DYNC2H1: variants seen among roughly 807,000 people sequenced by gnomAD.
The protein encoded by DYNC2H1 is dynein cytoplasmic 2 heavy chain 1, also known as cytoplasmic dynein 2 heavy chain 1.
A neutral mutation model predicts 570.0 loss-of-function variants in DYNC2H1; 410 were observed. The ratio of observed to expected loss-of-function variants is 0.72; its 90% CI spans 0.66 to 0.78. The LOEUF (loss-of-function observed/expected upper bound fraction) is 0.78. Ranked by LOEUF, DYNC2H1 falls within the 30% of genes least tolerant of loss-of-function variation. The pLI is 0.00. For missense variants in DYNC2H1, 4,865 were observed against 5,046.4 expected, an observed-to-expected ratio of 0.96 and a Z score of 1.09; for synonymous variants, 1,688 against 1,677.6, an observed-to-expected ratio of 1.01 and a Z score of -0.15.
intron 80 of DYNC2H1, among the ~76,000 whole-genome samples, chr11:103,320,653 G>C (rs1018586556): frequency 6.6e-6 from 1 of 152,186 alleles, no homozygotes; most frequent in Non-Finnish European, 1.5e-5. Flanking sequence ...AGCCAGGATT[G>C]TGTGGCAGAT....
In DYNC2H1 at chr11:103,280,450, A is replaced by G. The variant is rs1866086421; in HGVS notation, c.10761+37A>G. The G allele has an allele frequency of 2.0e-6, 3 of 1,524,738 alleles. No individual in the cohort carries two copies. Among genetic ancestry groups the G allele is most frequent in the South Asian group, 1.2e-5 (1 of 83,240 alleles). 94.5% of individuals were successfully genotyped at this position (1,524,738 alleles called of 1,614,324 possible). ...TAAAGGAGAGAAATTTTACAGTAAC[A>G]TAGAAATTTGTTAATGGGTGGATTT... On this transcript the variant is annotated intron_variant, in intron 71 of 88. Transcript: ENST00000375735. This position sits in a 1 kb window ranked among gnomAD's most constrained non-coding sequence, Gnocchi z 4.7.
chr11:103,422,846 G>A (rs1943534379), intron 84 of DYNC2H1, among the ~76,000 whole-genome samples: 1 of 152,088 alleles, frequency 6.6e-6, no homozygotes, highest in African/African-American at 2.4e-5. Flanking sequence ...GGGCAATTGG[G>A]AAAGAGAAAG....
chr11:103,321,122 T>G lies in DYNC2H1; in HGVS notation c.11819T>G (p.Leu3940Arg). ...RIDNYFDLRVLQSYLKQFFNS... is the reference protein window; with the variant it reads ...RIDNYFDLRVRQSYLKQFFNS... ...GACAACTATTTTGACCTTAGAGTTC[T>G]TCAGTCATACCTGAAGCAGTTTTTT... The change falls in exon 81 of 89, where the codon CTT becomes CGT. Residue 3940 changes from leucine (L) to arginine (R), a missense_variant. Around this residue, in one of 5 missense-constraint regions of DYNC2H1, gnomAD observed 2,401 missense variants for 2,454.6 expected, o/e 0.98. Transcript: ENST00000375735. The G allele has an allele frequency of 3.1e-6, 5 of 1,612,654 alleles. No individual in the cohort carries two copies. The highest frequency in any genetic ancestry group is 4.2e-6 in the Non-Finnish European group (5 of 1,179,248).
Position 103,244,747 on chromosome 11 carries a change from C to CTA in DYNC2H1, c.9919-496_9919-495dup, listed in dbSNP as rs992684947. 3.4e-5 allele frequency among the ~76,000 whole-genome samples: 5 copies of CTA among 147,532 alleles called. No homozygotes were observed. Among genetic ancestry groups the CTA allele is most frequent in the African/African-American group, 7.4e-5 (3 of 40,546 alleles). On this transcript the variant is annotated intron_variant, in intron 64 of 88. Transcript: ENST00000375735. The surrounding 1 kb of genome is among the most constrained non-coding windows in gnomAD (Gnocchi z 4.3). ...ATATACATATAAGTATATAAATATA[C>CTA]TATATATATCTATAGTTACAGTTAT... is the stretch of plus-strand genomic sequence containing the variant.
intron 43 of DYNC2H1, among the ~76,000 whole-genome samples, chr11:103,187,989 A>G (rs1862143128): frequency 6.6e-6 from 1 of 151,860 alleles, no homozygotes; most frequent in Non-Finnish European, 1.5e-5. Context: ...ATTATTCTCC[A>G]TTTTTGCCTG....
intron 83 of DYNC2H1, among the ~76,000 whole-genome samples, chr11:103,378,651 T>G (rs1941501810): frequency 6.6e-6 from 1 of 151,630 alleles, no homozygotes; most frequent in African/African-American, 2.4e-5. Context: ...TAACCTCTAA[T>G]TCCAAGGCAA....
intron 5 of DYNC2H1, among the ~76,000 whole-genome samples, chr11:103,117,043 CTT>C (rs1383898023): frequency 6.7e-6 from 1 of 149,902 alleles, no homozygotes; most frequent in East Asian, 1.9e-4. Flanking sequence ...AGAAAATACC[CTT>C]GTCATTATTT....
intron 83 of DYNC2H1, among the ~76,000 whole-genome samples, chr11:103,397,689 G>A (rs1942454846): frequency 6.6e-6 from 1 of 152,122 alleles, no homozygotes; most frequent in South Asian, 2.1e-4. Context: ...GAGTCCTGGA[G>A]TTTGAGACCA....
chr11:103,367,372 C>A (rs1416967704), intron 83 of DYNC2H1, among the ~76,000 whole-genome samples: 1 of 151,990 alleles, frequency 6.6e-6, no homozygotes, highest in African/African-American at 2.4e-5. Flanking sequence ...TCTAGGACAC[C>A]TACTCCCATT....
Position 103,289,246 on chromosome 11 carries a change from T to C in DYNC2H1, c.11095+1641T>C, listed in dbSNP as rs1192013739. On this transcript the variant is annotated intron_variant, in intron 75 of 88. Coordinates refer to ENST00000375735, the MANE Select transcript of DYNC2H1 (RefSeq NM_001377.3). The surrounding 1 kb of genome is among the most constrained non-coding windows in gnomAD (Gnocchi z 4.2). ...GAATGCTCAGGGAGGCTGATTTAAG[T>C]AATAATAAAACCCCAGTCTCCTGCA... is the stretch of plus-strand genomic sequence containing the variant. Among the ~76,000 whole-genome samples the C allele has an allele frequency of 1.3e-5, 2 of 152,124 alleles. No individual in the cohort carries two copies. The highest frequency in any genetic ancestry group is 4.8e-5 in the African/African-American group (2 of 41,418).
At chr11:103,468,156 G>A (rs1018975039) in intron 87 of DYNC2H1, among the ~76,000 whole-genome samples, 6 of 151,802 alleles carry the variant, frequency 4.0e-5, no homozygotes, top group African/African-American at 1.2e-4. Flanking sequence ...ATCACATGTC[G>A]TTTTTTTCAT....
Position 103,141,123 on chromosome 11 carries a change from G to C in DYNC2H1, c.2575-2145G>C, listed in dbSNP as rs1304748431. ...TACATTCATCTAAATTTTTTTCAAA[G>C]TTTTTAACTTCTTTGCCTTTGGTTT... On this transcript the variant is annotated intron_variant, in intron 17 of 88. Coordinates refer to ENST00000375735, the MANE Select transcript of DYNC2H1 (RefSeq NM_001377.3). Among the ~76,000 whole-genome samples the C allele has an allele frequency of 2.0e-5, 3 of 152,074 alleles. No homozygotes were observed. In the East Asian group the frequency reaches 5.8e-4, roughly 29 times the overall value.
rs117117254 is a variant in DYNC2H1, at chr11:103,170,564, G to A, written c.5151+274G>A. Among the ~76,000 whole-genome samples the A allele has an allele frequency of 2.0e-5, 3 of 152,170 alleles. No homozygotes were observed. The highest frequency in any genetic ancestry group is 4.4e-5 in the Non-Finnish European group (3 of 67,982). On this transcript the variant is annotated intron_variant, in intron 33 of 88. Coordinates refer to ENST00000375735, the MANE Select transcript of DYNC2H1 (RefSeq NM_001377.3). The surrounding 1 kb of genome is among the most constrained non-coding windows in gnomAD (Gnocchi z 4.8). ...TTTTAGTAAAGAGAATAATACAAAA[G>A]GAAAAATCTTCTGTTCATTTCAGAT...
chr11:103,430,553 TA>T (rs942958698), intron 84 of DYNC2H1, among the ~76,000 whole-genome samples: 1 of 151,998 alleles, frequency 6.6e-6, no homozygotes, highest in Admixed American at 6.6e-5. Flanking sequence ...GGGTAATCCT[TA>T]AAAAAAATCC....
intron 36 of DYNC2H1, 94 bp downstream of exon 36, chr11:103,174,264 A>G: frequency 9.7e-7 from 1 of 1,032,544 alleles, no homozygotes; most frequent in Non-Finnish European, 1.4e-6. Flanking sequence ...TTGTAGATAC[A>G]ATATTAAGGA....
Position 103,215,744 on chromosome 11 carries a change from A to T in DYNC2H1, c.8718A>T (p.Glu2906Asp). Reference sequence around the variant, plus strand: ...AGGCTGGTGTATCTAAACTAAATGAAGCTAAAGCTCTTGTGGATGAACTGA... The same window carrying T: ...AGGCTGGTGTATCTAAACTAAATGATGCTAAAGCTCTTGTGGATGAACTGA... ...HLQAGVSKLN[E>D]AKALVDELNR... The change falls in exon 55 of 89, where the codon GAA becomes GAT. Residue 2906 changes from glutamate (E) to aspartate (D), a missense_variant. By Grantham distance (45) the Glu-to-Asp change is conservative. Transcript: ENST00000375735. 1 of 1,610,088 alleles carries T rather than the reference A, an allele frequency of 6.2e-7. No homozygotes were observed.
At chr11:103,427,250 C>G (rs75814176) in intron 84 of DYNC2H1, among the ~76,000 whole-genome samples, 174 of 152,188 alleles carry the variant, frequency 1.1e-3, no homozygotes, top group African/African-American at 4.0e-3. Flanking sequence ...ATTTTTTAAA[C>G]TCTCAAGGAA....
Position 103,256,120 on chromosome 11 carries a change from T to C in DYNC2H1, c.10341T>C (p.Ser3447=). 6.2e-7 allele frequency: 1 copy of C among 1,604,364 alleles called. No individual in the cohort carries two copies. The highest frequency in any genetic ancestry group is 8.5e-7 in the Non-Finnish European group (1 of 1,174,448). The change falls in exon 68 of 89, where the codon TCT becomes TCC. Residue 3447 remains serine, a synonymous_variant. Transcript: ENST00000375735. This position sits in a 1 kb window ranked among gnomAD's most constrained non-coding sequence, Gnocchi z 4.0. ...TTTCCCTACAGACACTTGCCACATC[T>C]CAAGGCAATATTTTGGAAAATAAGG... ...EESLLETLAT[S]QGNILENKDL...
intron 83 of DYNC2H1, among the ~76,000 whole-genome samples, chr11:103,372,032 C>CTTTTTTT (rs1156605664): frequency 1.1e-4 from 4 of 38,038 alleles, no homozygotes; most frequent in South Asian, 1.6e-3. Context: ...TTGTCTTGTT[C>CTTTTTTT]TTTTTTTTTT....
Sources: allele counts gnomAD v4.1 joint callset (sites outside exome capture counted in the v4.1 genomes callset), GRCh38; gene constraint gnomAD v4.1.1; regional missense constraint gnomAD v4.1.1; non-coding constraint Gnocchi (gnomAD v3.1); transcripts MANE v1.5; gene names NCBI Gene and HGNC (gene_info 2026-07-23, HGNC 2026-07-21).